MYO1H: variants seen among roughly 807,000 people sequenced by gnomAD.
MYO1H encodes the protein unconventional myosin-Ih.
MYO1H carries 118 observed loss-of-function variants against 149.3 expected under a neutral mutation model. That is an observed-to-expected ratio of 0.79 (90% CI 0.68 to 0.92). The LOEUF is 0.92. Among genes scored for constraint, MYO1H ranks in the 40% least tolerant of loss-of-function variants. MYO1H has a pLI of 0.00. For missense variants in MYO1H, 1,212 were observed against 1,280.7 expected (o/e 0.95, Z 0.82); for synonymous variants, 447 against 465.2 (o/e 0.96, Z 0.50).
chr12:109,393,781 A>G (rs1869778957), intron 3 of MYO1H, among the ~76,000 whole-genome samples: 1 of 152,214 alleles, frequency 6.6e-6, no homozygotes, highest in Non-Finnish European at 1.5e-5. Flanking sequence ...TTGTGAAGTA[A>G]GTATTCCAAA....
intron 16 of MYO1H, among the ~76,000 whole-genome samples, chr12:109,421,959 A>T (rs988088883): frequency 1.3e-5 from 2 of 151,858 alleles, no homozygotes; most frequent in Non-Finnish European, 2.9e-5. Flanking sequence ...AGTAGCTAGG[A>T]CTTCAGACAC....
intron 1 of MYO1H, chr12:109,354,198 G>A (rs1416246956): frequency 6.6e-6 from 1 of 152,130 alleles, no homozygotes; most frequent in Non-Finnish European, 1.5e-5. Context: ...TGTAAGAATT[G>A]TACACATTTA....
At chr12:109,357,982 G>T (rs1566017769) in intron 1 of MYO1H, among the ~76,000 whole-genome samples, 1 of 152,158 alleles carries the variant, frequency 6.6e-6, no homozygotes, top group East Asian at 1.9e-4. Context: ...CTGGGGCCAT[G>T]GGCCATCATT....
chr12:109,445,075 C>T (rs1872421406), intron 30 of MYO1H, among the ~76,000 whole-genome samples: 1 of 152,168 alleles, frequency 6.6e-6, no homozygotes. Context: ...TCAGTGAAGG[C>T]AGGATATCCT....
intron 9 of MYO1H, 78 bp downstream of exon 9, chr12:109,406,938 C>A: frequency 7.3e-7 from 1 of 1,370,450 alleles, no homozygotes; most frequent in East Asian, 2.3e-5. Flanking sequence ...GGGTGGTGGC[C>A]TCAGGGGAGG....
intron 20 of MYO1H, among the ~76,000 whole-genome samples, 199 bp downstream of exon 20, chr12:109,433,209 T>C (rs932587001): frequency 1.3e-4 from 20 of 152,178 alleles, no homozygotes; most frequent in African/African-American, 3.9e-4. Flanking sequence ...TGGGAGGAAA[T>C]GAAGTTATAA....
chr12:109,381,669 G>C (rs1185108962), intron 1 of MYO1H, among the ~76,000 whole-genome samples: 1 of 140,676 alleles, frequency 7.1e-6, no homozygotes, highest in Non-Finnish European at 1.6e-5. Flanking sequence ...AGTTGGGTGT[G>C]GTGGTGCAAG....
intron 20 of MYO1H, 124 bp downstream of exon 20, chr12:109,433,134 T>A: frequency 1.3e-6 from 1 of 763,076 alleles, no homozygotes; most frequent in Middle Eastern, 2.5e-4. Flanking sequence ...TTTGCGAGAT[T>A]TATGCTTCAT....
Position 109,444,574 on chromosome 12 carries a change from A to G in MYO1H, c.2993+45A>G, listed in dbSNP as rs145100226. On this transcript the variant is annotated intron_variant, in intron 30 of 31. Coordinates refer to ENST00000310903, the Ensembl canonical transcript of MYO1H. ...GCTCAGGAAGTAATTCAATGTTAAA[A>G]TGTTTATTAAGGCCGAGCGTGGTGG... The G allele has an allele frequency of 2.0e-4, 294 of 1,491,176 alleles. 1 individual carries two copies. The African/African-American group carries it at 3.5e-3, about 18-fold the overall frequency. The allele number at this position is 1,491,176 out of a possible 1,614,324, so 92.4% of individuals were successfully genotyped here.
chr12:109,424,689 A>G (rs1451511692), intron 16 of MYO1H, 59 bp from the exon 17 acceptor site: 1 of 1,376,920 alleles, frequency 7.3e-7, no homozygotes, highest in Admixed American at 1.8e-5. Flanking sequence ...AGCCGTCCTG[A>G]CAGCCCTGTA....
At chr12:109,333,908 G>A in the MYO1H span, among the ~76,000 whole-genome samples, 1 of 151,888 alleles carries the variant, frequency 6.6e-6, no homozygotes, top group Non-Finnish European at 1.5e-5. Context: ...AAATTTCATT[G>A]ATTCATTTTA....
intron 31 of MYO1H, chr12:109,445,835 G>T: frequency 1.0e-6 from 1 of 985,386 alleles, no homozygotes; most frequent in Non-Finnish European, 1.2e-6. Context: ...AACCATCCTT[G>T]TCAGTGAACC....
chr12:109,348,040 A>G (rs1366361427), intron 1 of MYO1H, 68 bp downstream of exon 1: 4 of 398,916 alleles, frequency 1.0e-5, no homozygotes, highest in African/African-American at 8.2e-5. Flanking sequence ...AACTTTCCAA[A>G]TGGCTATAAT....
At chr12:109,423,049 G>T (rs548518212) in intron 16 of MYO1H, among the ~76,000 whole-genome samples, 1 of 152,002 alleles carries the variant, frequency 6.6e-6, no homozygotes, top group South Asian at 2.1e-4. Context: ...GTCATTCATT[G>T]CACTCCAGCC....
chr12:109,433,960 G>A (rs1187887190), intron 20 of MYO1H, among the ~76,000 whole-genome samples: 1 of 152,148 alleles, frequency 6.6e-6, no homozygotes, highest in Non-Finnish European at 1.5e-5. Context: ...GGGTCGGGCA[G>A]GCAATGTGAG....
At chr12:109,377,131 A>G (rs1306732683) in intron 1 of MYO1H, among the ~76,000 whole-genome samples, 4 of 152,180 alleles carry the variant, frequency 2.6e-5, no homozygotes, top group African/African-American at 7.2e-5. Context: ...ATATCTTCCC[A>G]TTAAGCAGTT....
intron 1 of MYO1H, among the ~76,000 whole-genome samples, chr12:109,362,810 T>C (rs1413694287): frequency 6.6e-6 from 1 of 152,256 alleles, no homozygotes; most frequent in African/African-American, 2.4e-5. Flanking sequence ...CCAGTTTCTA[T>C]GGCCTGCTTT....
the MYO1H span, among the ~76,000 whole-genome samples, chr12:109,338,966 G>A: frequency 6.6e-6 from 1 of 152,074 alleles, no homozygotes; most frequent in South Asian, 2.1e-4. Flanking sequence ...CTTACAGGAG[G>A]TTTTCAAAAT....
rs948153317 is a variant in MYO1H at position 109,362,293 on chromosome 12, C to T, written c.12+14321C>T. Among the ~76,000 whole-genome samples, 6 of 152,136 alleles carry T rather than the reference C, an allele frequency of 3.9e-5. No individual in the cohort carries two copies. The East Asian group carries it at 9.6e-4, about 24-fold the overall frequency. On this transcript the variant is annotated intron_variant, in intron 1 of 31. Coordinates refer to ENST00000310903, the Ensembl canonical transcript of MYO1H. ...TGAAAGGACATCTTTCTGTATTCAG[C>T]CTTCTAGTTTTGATGTGAAGTCTGA...
Sources: gnomAD v4.1 joint callset for allele counts (sites outside exome capture counted in the v4.1 genomes callset) on GRCh38, gnomAD v4.1.1 for gene constraint, MANE v1.5 for transcripts, NCBI Gene and HGNC (gene_info 2026-07-23, HGNC 2026-07-21) for gene names.